Variants in CCDC178 observed in about 807,000 individuals in gnomAD.
CCDC178 encodes coiled-coil domain-containing protein 178.
In CCDC178, 126 loss-of-function variants were observed where a neutral mutation model predicts 117.4. The ratio of observed to expected loss-of-function variants is 1.07; its 90% confidence interval spans 0.93 to 1.24. The LOEUF (loss-of-function observed/expected upper bound fraction) is 1.24, where lower values mean the gene tolerates loss of function less well. CCDC178 is among the 50% of genes most tolerant of loss of function. CCDC178 has a pLI of 0.00. For missense variants in CCDC178, 1,030 were observed against 986.9 expected, an observed-to-expected ratio of 1.04 and a Z score of -0.59; for synonymous variants, 283 against 313.4, an observed-to-expected ratio of 0.90 and a Z score of 1.02.
At chr18:33,320,902 A>G (rs935278604) in intron 11 of CCDC178, among the ~76,000 whole-genome samples, 18 of 152,236 alleles carry the variant, frequency 1.2e-4, no homozygotes, top group Admixed American at 1.1e-3. Context: ...ATAGGGACCA[A>G]TGGAATAGAA....
At chr18:33,011,771 A>AAAAAAAAAAAAAAAAAAAAAAAAAAG (rs2055872777) in intron 21 of CCDC178, among the ~76,000 whole-genome samples, 1 of 72,994 alleles carries the variant, frequency 1.4e-5, no homozygotes, top group African/African-American at 7.0e-5. Context: ...AGAATGCAAA[A>AAAAAAAAAAAAAAAAAAAAAAAAAAG]AAAAAAAAAA....
intron 22 of CCDC178, among the ~76,000 whole-genome samples, chr18:32,966,167 CT>C (rs1193305606): frequency 6.6e-6 from 1 of 151,510 alleles, no homozygotes; most frequent in East Asian, 1.9e-4. Flanking sequence ...TGGATATTTA[CT>C]TTTATCTCAC....
At chr18:32,977,890 C>A (rs145772910) in intron 21 of CCDC178, among the ~76,000 whole-genome samples, 1 of 152,148 alleles carries the variant, frequency 6.6e-6, no homozygotes, top group Non-Finnish European at 1.5e-5. Context: ...ATTAAAGTAG[C>A]CACAAATATG....
At chr18:33,324,767 T>C (rs1212860819) in intron 10 of CCDC178, among the ~76,000 whole-genome samples, 1 of 151,914 alleles carries the variant, frequency 6.6e-6, no homozygotes, top group African/African-American at 2.4e-5. Context: ...TTATTTTCTT[T>C]AATAAGATTT....
chr18:33,208,983 C>T (rs555955162), intron 20 of CCDC178, among the ~76,000 whole-genome samples: 3 of 152,096 alleles, frequency 2.0e-5, no homozygotes, highest in Admixed American at 6.6e-5. Flanking sequence ...ATGGAAAGAA[C>T]ACACAGAGAA....
At chr18:33,227,292 T>TG (rs1304716404) in intron 15 of CCDC178, among the ~76,000 whole-genome samples, 1 of 151,710 alleles carries the variant, frequency 6.6e-6, no homozygotes, top group Admixed American at 6.6e-5. Context: ...AATTCCTTTT[T>TG]TTTTTTTTTA....
intron 20 of CCDC178, among the ~76,000 whole-genome samples, chr18:33,209,208 T>G (rs2059079904): frequency 6.6e-6 from 1 of 152,022 alleles, no homozygotes; most frequent in South Asian, 2.1e-4. Flanking sequence ...TGCCATGACA[T>G]TATTAAAAAA....
intron 20 of CCDC178, among the ~76,000 whole-genome samples, chr18:33,126,553 C>G (rs1339252361): frequency 6.6e-6 from 1 of 151,846 alleles, no homozygotes; most frequent in East Asian, 1.9e-4. Flanking sequence ...CTGAAATCCA[C>G]TTGTACTCAA....
chr18:33,199,366 C>T lies in CCDC178; in HGVS notation c.2238+12530G>A, dbSNP rs1407662181. Among the ~76,000 whole-genome samples the T allele has an allele frequency of 2.0e-5, 3 of 152,360 alleles. No individual in the cohort carries two copies. The East Asian group carries it at 5.8e-4, about 29-fold the overall frequency. ...AATGGTCTCCTGGTCATTTTCCACA[C>T]TAAAGCAAAGGCTTTGGCCCATGGT... On this transcript the variant is annotated intron_variant, in intron 20 of 22. Transcript: ENST00000383096.
intron 21 of CCDC178, among the ~76,000 whole-genome samples, chr18:32,992,358 G>A (rs1046913488): frequency 6.6e-6 from 1 of 151,950 alleles, no homozygotes; most frequent in African/African-American, 2.4e-5. Context: ...ATTTTAAATT[G>A]GAATATTAAA....
chr18:33,258,360 G>C (rs2059703998), intron 14 of CCDC178, among the ~76,000 whole-genome samples: 1 of 152,076 alleles, frequency 6.6e-6, no homozygotes, highest in South Asian at 2.1e-4. Flanking sequence ...CTGTCTCAAA[G>C]CTTCCTCTTA....
chr18:33,245,467 T>A, intron 14 of CCDC178, 39 bp from the exon 15 acceptor site: 1 of 1,355,512 alleles, frequency 7.4e-7, no homozygotes, highest in Non-Finnish European at 9.7e-7. Flanking sequence ...ATTGAGTATA[T>A]AGTGAGACAA....
chr18:32,983,251 T>G, intron 21 of CCDC178: 1 of 1,249,660 alleles, frequency 8.0e-7, no homozygotes. Flanking sequence ...AAGATGCACG[T>G]GTATGCATGG....
intron 11 of CCDC178, among the ~76,000 whole-genome samples, chr18:33,303,396 T>C (rs1186806348): frequency 6.6e-6 from 1 of 152,188 alleles, no homozygotes; most frequent in African/African-American, 2.4e-5. Context: ...AGTGCAACTA[T>C]TGAATAATAT....
At chr18:33,035,176 G>A (rs889223839) in intron 21 of CCDC178, among the ~76,000 whole-genome samples, 1 of 152,028 alleles carries the variant, frequency 6.6e-6, no homozygotes. Context: ...TAAAGGCAGA[G>A]GAAGTAGGCT....
intron 9 of CCDC178, among the ~76,000 whole-genome samples, chr18:33,337,389 A>G (rs1319753836): frequency 2.0e-5 from 3 of 151,966 alleles, no homozygotes; most frequent in African/African-American, 7.2e-5. Context: ...CCATCTGGAT[A>G]CCCTTTATTT....
At chr18:33,281,908 C>T (rs1373049095) in intron 12 of CCDC178, among the ~76,000 whole-genome samples, 2 of 152,110 alleles carry the variant, frequency 1.3e-5, no homozygotes, top group African/African-American at 4.8e-5. Flanking sequence ...CACTTAATAT[C>T]CAATGACAAG....
At chr18:33,339,202 A>G (rs2062781472) in intron 9 of CCDC178, among the ~76,000 whole-genome samples, 1 of 152,098 alleles carries the variant, frequency 6.6e-6, no homozygotes, top group Non-Finnish European at 1.5e-5. Context: ...AGAAATATAG[A>G]GGTTTAAATT....
At chr18:33,103,706 G>A (rs541036658) in intron 20 of CCDC178, among the ~76,000 whole-genome samples, 24 of 151,702 alleles carry the variant, frequency 1.6e-4, no homozygotes, top group Non-Finnish European at 3.2e-4. Context: ...TCTACCCCAC[G>A]CCTTCTTTAA....
Sources: allele counts gnomAD v4.1 joint callset (sites outside exome capture counted in the v4.1 genomes callset), GRCh38; gene constraint gnomAD v4.1.1; transcripts MANE v1.5; gene names NCBI Gene and HGNC (gene_info 2026-07-23, HGNC 2026-07-21).